The following PRKDC variants were observed in gnomAD, a reference collection of about 807,000 sequenced individuals.
PRKDC encodes DNA-dependent protein kinase catalytic subunit.
In PRKDC, 82 loss-of-function variants were observed where a neutral mutation model predicts 486.9. The observed-to-expected ratio is 0.17, with a 90% CI of 0.14 to 0.20. The LOEUF is 0.20. PRKDC is among the 10% of genes least tolerant of loss of function. The pLI, the probability that PRKDC is intolerant of heterozygous loss-of-function variation, is 1.00. For synonymous variants in PRKDC, 1,895 were observed against 1,837.0 expected (o/e 1.03, Z -0.81); for missense variants, 4,504 against 5,038.2 (o/e 0.89, Z 3.21).
At chr8:47,786,791 G>A (rs2086799535) in intron 76 of PRKDC, among the ~76,000 whole-genome samples, 1 of 126,664 alleles carries the variant, frequency 7.9e-6, no homozygotes, top group African/African-American at 3.0e-5. Flanking sequence ...GTGCGGTGGT[G>A]CGATCTCGGC....
chr8:47,949,276 A>G (rs918555590), intron 7 of PRKDC, among the ~76,000 whole-genome samples: 2 of 152,242 alleles, frequency 1.3e-5, no homozygotes, highest in Non-Finnish European at 2.9e-5. Context: ...GCCATGAAGC[A>G]TAACAGGGAT....
Position 47,837,326 on chromosome 8 carries a change from C to A in PRKDC, c.7647G>T (p.Lys2549Asn). The change falls in exon 57 of 86, where the codon AAG becomes AAT. Residue 2549 changes from lysine to asparagine, a missense_variant. Lys to Asn is a moderately conservative substitution (Grantham distance 94, BLOSUM62 0). This residue lies in a region of PRKDC where 1,592 missense variants were observed against 1,724.6 expected (regional missense o/e 0.92). Transcript: ENST00000314191. ...LLALNSLYSPKIEVHFLSLAT... is the reference protein window; with the variant it reads ...LLALNSLYSPNIEVHFLSLAT... ...CTAAACTTAAAAAGTGCACTTCTAT[C>A]TTAGGAGAATATAAGGAATTTAGTG... The A allele has an allele frequency of 6.2e-7, 1 of 1,613,158 alleles. No homozygotes were observed. Among genetic ancestry groups the A allele is most frequent in the Non-Finnish European group, 8.5e-7 (1 of 1,179,166 alleles).
chr8:47,835,245 TGATAA>T (rs1290656947), intron 58 of PRKDC, among the ~76,000 whole-genome samples: 1 of 152,186 alleles, frequency 6.6e-6, no homozygotes, highest in Non-Finnish European at 1.5e-5. Context: ...TCTGCTTTGG[TGATAA>T]GATGTCTTAA....
chr8:47,864,256 C>T (rs955734474), intron 41 of PRKDC, among the ~76,000 whole-genome samples: 3 of 152,136 alleles, frequency 2.0e-5, no homozygotes, highest in Admixed American at 1.3e-4. Context: ...CCCCTAGGAC[C>T]GCCAGGAACA....
chr8:47,823,828 A>C, intron 64 of PRKDC, 30 bp downstream of exon 64: 1 of 1,610,216 alleles, frequency 6.2e-7, no homozygotes, highest in Non-Finnish European at 8.5e-7. Context: ...GTTGAAGTAA[A>C]TGTCATATTT....
intron 74 of PRKDC, among the ~76,000 whole-genome samples, chr8:47,793,615 A>G (rs1382813202): frequency 6.6e-6 from 1 of 150,974 alleles, no homozygotes; most frequent in Non-Finnish European, 1.5e-5. Flanking sequence ...TGACAGCACA[A>G]TACTCTGTCT....
At position 47,837,246 on chromosome 8, in the gene PRKDC, A is replaced by G. The variant is rs1428097563; in HGVS notation, c.7727T>C (p.Met2576Thr). ...TSMSPDYPNP[M>T]FEHPLSECEF... ...GCATTCTGACAGAGGATGCTCGAAC[A>G]TGGGGTTTGGATAATCTGGGCTCAT... is the stretch of plus-strand genomic sequence containing the variant. Residue 2576 changes from methionine (M) to threonine (T), a missense_variant, in exon 57 of 86, where the codon ATG (methionine) becomes ACG (threonine). By Grantham distance (81) the Met-to-Thr change is moderately conservative. Around this residue, in one of 6 missense-constraint regions of PRKDC, gnomAD observed 1,592 missense variants for 1,724.6 expected, o/e 0.92. Coordinates refer to ENST00000314191, the MANE Select transcript of PRKDC (RefSeq NM_006904.7). The G allele has an allele frequency of 1.5e-5, 25 of 1,613,804 alleles. No individual in the cohort carries two copies. The highest frequency in any genetic ancestry group is 2.2e-5 in the South Asian group (2 of 91,050).
chr8:47,900,314 C>A (rs1353799561), intron 28 of PRKDC, 59 bp downstream of exon 28: 39 of 1,257,220 alleles, frequency 3.1e-5, no homozygotes, highest in Non-Finnish European at 3.5e-5. Context: ...AGCCTTAACT[C>A]CTCATTGGGG....
intron 68 of PRKDC, among the ~76,000 whole-genome samples, chr8:47,811,634 T>C (rs1425379408): frequency 1.3e-5 from 2 of 152,160 alleles, no homozygotes; most frequent in Non-Finnish European, 2.9e-5. Flanking sequence ...TAAACACACA[T>C]GAAATCCATC....
Position 47,858,572 on chromosome 8 carries a change from T to C in PRKDC, c.6409A>G (p.Ile2137Val), listed in dbSNP as rs776860896. The part of the protein sequence containing the change: ...KFLHGKLGNP[I>V]VPLNIRLFLA... ...AAGAGACGGATATTTAATGGTACTATTGGATTTCCCAGTTTGCCATGGAGG... is the reference window on the plus strand; with the variant it reads ...AAGAGACGGATATTTAATGGTACTACTGGATTTCCCAGTTTGCCATGGAGG... Residue 2137 changes from isoleucine (I) to valine (V), a missense_variant, in exon 48 of 86, where the codon ATA (isoleucine) becomes GTA (valine). Physicochemically the swap from Ile to Val is conservative, Grantham distance 29. This residue lies in a region of PRKDC where 1,592 missense variants were observed against 1,724.6 expected (regional missense o/e 0.92). Transcript: ENST00000314191. The C allele has an allele frequency of 1.2e-5, 19 of 1,560,844 alleles. No individual in the cohort carries two copies. Among genetic ancestry groups the C allele is most frequent in the Admixed American group, 7.8e-5 (4 of 51,580 alleles).
intron 46 of PRKDC, 112 bp downstream of exon 46, chr8:47,859,499 G>C (rs2088623414): frequency 2.4e-6 from 3 of 1,241,474 alleles, no homozygotes; most frequent in South Asian, 1.5e-5. Flanking sequence ...TATACTCCGA[G>C]GGTTGTCAAT....
At position 47,800,895 on chromosome 8, in the gene PRKDC, C is replaced by T. The variant is rs56013236; in HGVS notation, c.10014G>A (p.Ala3338=). The part of the protein sequence containing the change: ...ILLGTTYRII[A]NALSSEPACL... ...AGGCTGGCTCACTGCTGAGAGCATT[C>T]GCTATGATCCTGTAAGTTGTACCCA... Residue 3338 remains alanine, a synonymous_variant, in exon 71 of 86, where the codon GCG becomes GCA. Transcript: ENST00000314191. The T allele has an allele frequency of 1.3e-4, 210 of 1,613,804 alleles. 2 individuals are homozygous for T. In the Middle Eastern group the frequency reaches 5.1e-3, roughly 39 times the overall value.
intron 40 of PRKDC, among the ~76,000 whole-genome samples, chr8:47,872,521 AT>A (rs1189954151): frequency 3.0e-4 from 45 of 150,918 alleles, no homozygotes; most frequent in Middle Eastern, 3.4e-3. Flanking sequence ...AAAAAAAAAA[AT>A]GATCTGTTGC....
intron 21 of PRKDC, among the ~76,000 whole-genome samples, chr8:47,923,890 G>C (rs2090114265): frequency 6.6e-6 from 1 of 152,192 alleles, no homozygotes; most frequent in Non-Finnish European, 1.5e-5. Context: ...GAACCCAGCT[G>C]AGCCCATTTG....
At chr8:47,921,025 G>A (rs934833230) in intron 21 of PRKDC, among the ~76,000 whole-genome samples, 1 of 152,084 alleles carries the variant, frequency 6.6e-6, no homozygotes, top group African/African-American at 2.4e-5. Context: ...AGGCCGAGGG[G>A]GGCGGATCAC....
intron 30 of PRKDC, 66 bp from the exon 31 acceptor site, chr8:47,893,453 C>A (rs1022357954): frequency 7.4e-7 from 1 of 1,343,662 alleles, no homozygotes; most frequent in Admixed American, 3.4e-5. Context: ...ATCTTTGTAC[C>A]TAAAATTTCA....
At chr8:47,922,515 A>C (rs987984845) in intron 21 of PRKDC, among the ~76,000 whole-genome samples, 2 of 151,636 alleles carry the variant, frequency 1.3e-5, no homozygotes, top group Non-Finnish European at 2.9e-5. Flanking sequence ...TATGTTGCCC[A>C]GACTGGTCTC....
At chr8:47,876,490 C>T (rs770260310) in intron 40 of PRKDC, among the ~76,000 whole-genome samples, 7 of 151,874 alleles carry the variant, frequency 4.6e-5, no homozygotes, top group Non-Finnish European at 7.4e-5. Context: ...GGTGAGACCC[C>T]GTCTCTACTA....
chr8:47,807,295 G>T lies in PRKDC; in HGVS notation c.9589C>A (p.Leu3197Ile). The T allele has an allele frequency of 6.3e-7, 1 of 1,590,908 alleles. No individual in the cohort carries two copies. The highest frequency in any genetic ancestry group is 1.1e-5 in the South Asian group (1 of 87,358). Residue 3197 changes from leucine (L) to isoleucine (I), a missense_variant, in exon 69 of 86, where the codon CTT becomes ATT. Physicochemically the swap from Leu to Ile is conservative, Grantham distance 5. This residue lies in a region of PRKDC where 1,592 missense variants were observed against 1,724.6 expected (regional missense o/e 0.92). Coordinates refer to ENST00000314191, the MANE Select transcript of PRKDC (RefSeq NM_006904.7). The stretch of plus-strand genomic sequence containing the variant: ...CTATTATCTTCTGGAAGAGGGGTAA[G>T]CTTCTCCTCTATTTTGCTGAGAAAG... ...CFFLSKIEEK[L>I]TPLPEDNSMN...
Sources: allele counts gnomAD v4.1 joint callset (sites outside exome capture counted in the v4.1 genomes callset), GRCh38; gene constraint gnomAD v4.1.1; regional missense constraint gnomAD v4.1.1; transcripts MANE v1.5; gene names NCBI Gene and HGNC (gene_info 2026-07-23, HGNC 2026-07-21).